The following ASXL3 variants were observed in gnomAD, a reference collection of about 807,000 sequenced individuals.
The protein encoded by ASXL3 is putative Polycomb group protein ASXL3.
In ASXL3, 34 loss-of-function variants were observed where a neutral mutation model predicts 170.6. That is an observed-to-expected ratio of 0.20 (90% CI 0.15 to 0.27). The LOEUF is 0.27. Ranked by LOEUF, ASXL3 falls within the 10% of genes least tolerant of loss-of-function variation. The pLI, the probability that ASXL3 is intolerant of heterozygous loss-of-function variation, is 1.00. For synonymous variants in ASXL3, 1,002 were observed against 989.1 expected (o/e 1.01, Z -0.24); for missense variants, 2,592 against 2,695.3 (o/e 0.96, Z 0.85).
chr18:33,601,823 C>T (rs1258026211), intron 1 of ASXL3, among the ~76,000 whole-genome samples: 3 of 88,554 alleles, frequency 3.4e-5, no homozygotes, highest in Non-Finnish European at 7.8e-5. Context: ...CAGGGTGTTA[C>T]ACTGTCATCC....
In ASXL3 at chr18:33,639,834, A is replaced by G. The variant is rs368346448; in HGVS notation, c.138-5060A>G. On this transcript the variant is annotated intron_variant, in intron 2 of 11. Transcript: ENST00000269197. ...ACATATTCATGCCAACAAGAGATAC[A>G]CACTGAGGTCTGGAGTTCGAAGTTC... Among the ~76,000 whole-genome samples, 19 of 152,306 alleles carry G rather than the reference A, an allele frequency of 1.2e-4. No homozygotes were observed. In the East Asian group the frequency reaches 2.9e-3, roughly 23 times the overall value.
At chr18:33,696,725 C>G (rs1014795668) in intron 8 of ASXL3, among the ~76,000 whole-genome samples, 1 of 152,056 alleles carries the variant, frequency 6.6e-6, no homozygotes, top group Non-Finnish European at 1.5e-5. Context: ...GACTTATGCT[C>G]TATAACAGCA....
chr18:33,594,585 TA>T (rs2065108412), intron 1 of ASXL3, among the ~76,000 whole-genome samples: 1 of 152,160 alleles, frequency 6.6e-6, no homozygotes, highest in Non-Finnish European at 1.5e-5. Context: ...TGCTTGCTTA[TA>T]AATATACCTT....
In ASXL3 at chr18:33,750,395, AG is replaced by A. The variant is rs1224775047; in HGVS notation, c.*3801del. 6.6e-6 allele frequency: 1 copy of A among 152,242 alleles called. No individual in the cohort carries two copies. The highest frequency in any genetic ancestry group is 2.4e-5 in the African/African-American group (1 of 41,472). The allele number at this position is 152,242 out of a possible 1,614,324, so 9.4% of individuals were successfully genotyped here. On this transcript the variant is annotated 3_prime_UTR_variant, in exon 12 of 12. Coordinates refer to ENST00000269197, the MANE Select transcript of ASXL3 (RefSeq NM_030632.3). ...ATAGTTGCAGAATAATTTAGACTGT[AG>A]AAAAACTTTGTTGTATTTGTACTGT... is the stretch of plus-strand genomic sequence containing the variant.
At chr18:33,602,681 C>T (rs550569126) in intron 1 of ASXL3, among the ~76,000 whole-genome samples, 2 of 152,206 alleles carry the variant, frequency 1.3e-5, no homozygotes, top group African/African-American at 4.8e-5. Context: ...TCATCAGTAT[C>T]GTAATGCATA....
At chr18:33,610,846 G>GT (rs1018290708) in intron 2 of ASXL3, among the ~76,000 whole-genome samples, 1 of 151,988 alleles carries the variant, frequency 6.6e-6, no homozygotes, top group Non-Finnish European at 1.5e-5. Flanking sequence ...AACTTAACAC[G>GT]TTTGTGGAAA....
intron 8 of ASXL3, among the ~76,000 whole-genome samples, chr18:33,727,578 CAG>C (rs1207959967): frequency 2.0e-5 from 3 of 152,102 alleles, no homozygotes; most frequent in African/African-American, 7.2e-5. Context: ...AGATTATGAT[CAG>C]AGTTTTTCTC....
rs1263241502 is a variant in ASXL3, at chr18:33,738,481, G to A, written c.1083-6G>A. On this transcript the variant is annotated splice_polypyrimidine_tract_variant and splice_region_variant and intron_variant, in intron 10 of 11. Transcript: ENST00000269197. ...GAGCAATAATTTATTTCTAATTTCTGTACAGGCTGGGCATGTCAAGAGAGG... is the reference window on the plus strand; with the variant it reads ...GAGCAATAATTTATTTCTAATTTCTATACAGGCTGGGCATGTCAAGAGAGG... 7 of 1,588,204 alleles carry A rather than the reference G, an allele frequency of 4.4e-6. No individual in the cohort carries two copies. Among genetic ancestry groups the A allele is most frequent in the African/African-American group, 1.4e-5 (1 of 73,530 alleles).
At chr18:33,599,152 C>T (rs772335739) in intron 1 of ASXL3, among the ~76,000 whole-genome samples, 2 of 151,984 alleles carry the variant, frequency 1.3e-5, no homozygotes, top group East Asian at 1.9e-4. Flanking sequence ...CATATAGAAG[C>T]GGAAGATCAT....
At chr18:33,616,265 T>G (rs1186030779) in intron 2 of ASXL3, among the ~76,000 whole-genome samples, 3 of 152,058 alleles carry the variant, frequency 2.0e-5, no homozygotes, top group African/African-American at 4.8e-5. Flanking sequence ...TGTAAAGCCT[T>G]TATAGTCAAA....
intron 10 of ASXL3, among the ~76,000 whole-genome samples, 153 bp from the exon 11 acceptor site, chr18:33,738,334 A>T (rs186820287): frequency 4.6e-5 from 7 of 152,356 alleles, no homozygotes; most frequent in Middle Eastern, 3.4e-3. Context: ...AAACATCATC[A>T]TTGTAAACTG....
At chr18:33,720,796 C>A (rs543467044) in intron 8 of ASXL3, among the ~76,000 whole-genome samples, 11 of 152,160 alleles carry the variant, frequency 7.2e-5, no homozygotes, top group South Asian at 2.1e-4. Context: ...TTGCCACAGG[C>A]TACATCTCTT....
intron 4 of ASXL3, among the ~76,000 whole-genome samples, chr18:33,654,424 T>C (rs574286611): frequency 3.0e-4 from 46 of 152,232 alleles, no homozygotes; most frequent in Non-Finnish European, 5.3e-4. Flanking sequence ...TTTTCTTTAG[T>C]TATATTGTAT....
At position 33,676,222 on chromosome 18, in the gene ASXL3, CAAAAAA is replaced by C. The variant is rs568221465; in HGVS notation, c.715+4376_715+4381del. ...CTGGGTGACGAGCGAGACTCCGTCT[CAAAAAA>C]AAAAAAAAAAAAAAAAAAATTATTC... On this transcript the variant is annotated intron_variant, in intron 7 of 11. Transcript: ENST00000269197. Among the ~76,000 whole-genome samples, 37 of 41,732 alleles carry C rather than the reference CAAAAAA, an allele frequency of 8.9e-4. 3 individuals carry two copies. Among genetic ancestry groups the C allele is most frequent in the South Asian group, 1.2e-3 (1 of 844 alleles). The allele number at this position is 41,732 out of a possible 152,430, so 27.4% of individuals were successfully genotyped here. A position where few individuals can be genotyped will look rare whatever the true frequency, so the allele number is the denominator to read the frequency against.
At chr18:33,604,617 A>G (rs62090655) in intron 1 of ASXL3, among the ~76,000 whole-genome samples, 13,695 of 151,964 alleles carry the variant, frequency 0.09, 693 homozygotes, top group African/African-American at 0.12. Flanking sequence ...CCCCCCAAGG[A>G]CAGCGTTATG....
intron 2 of ASXL3, chr18:33,614,364 A>C (rs958948812): frequency 2.6e-5 from 4 of 152,192 alleles, no homozygotes; most frequent in African/African-American, 9.6e-5. Context: ...AAGTTTTATC[A>C]TGAGATTGAA....
At chr18:33,646,023 A>G (rs1555725281) in intron 3 of ASXL3, among the ~76,000 whole-genome samples, 2 of 151,774 alleles carry the variant, frequency 1.3e-5, no homozygotes, top group African/African-American at 4.8e-5. Flanking sequence ...TTTTTTGGGT[A>G]TAGATTTTAA....
intron 8 of ASXL3, among the ~76,000 whole-genome samples, chr18:33,731,415 T>A (rs1467747014): frequency 2.0e-5 from 3 of 152,192 alleles, no homozygotes; most frequent in Non-Finnish European, 4.4e-5. Flanking sequence ...CATTATGTTC[T>A]GCTTCTACAG....
chr18:33,607,751 A>G (rs963859002), intron 2 of ASXL3, 75 bp downstream of exon 2: 58 of 1,106,974 alleles, frequency 5.2e-5, no homozygotes, highest in Non-Finnish European at 7.1e-5. Flanking sequence ...CGATAGGTGT[A>G]TCTAGATTTT....
Sources: gnomAD v4.1 joint callset for allele counts (sites outside exome capture counted in the v4.1 genomes callset) on GRCh38, gnomAD v4.1.1 for gene constraint, MANE v1.5 for transcripts, NCBI Gene and HGNC (gene_info 2026-07-23, HGNC 2026-07-21) for gene names.